Variants in SMARCD3 observed in about 807,000 individuals in gnomAD.
SMARCD3 encodes SWI/SNF related BAF chromatin remodeling complex subunit D3, also known as SWI/SNF-related matrix-associated actin-dependent regulator of chromatin subfamily D member 3.
SMARCD3 carries 14 observed loss-of-function variants against 58.0 expected under a neutral mutation model. That is an observed-to-expected ratio of 0.24 (90% CI 0.16 to 0.38). The LOEUF (loss-of-function observed/expected upper bound fraction) is 0.38. Among genes scored for constraint, SMARCD3 ranks in the 10% least tolerant of loss-of-function variants. SMARCD3 has a pLI of 1.00. For synonymous variants in SMARCD3, 253 were observed against 253.8 expected (o/e 1.00, Z 0.03); for missense variants, 408 against 636.9 (o/e 0.64, Z 3.87).
chr7:151,275,316 G>T (rs547472151), intron 1 of SMARCD3: 172 of 662,110 alleles, frequency 2.6e-4, no homozygotes, highest in Admixed American at 8.5e-4. Context: ...AAGCTGCGAA[G>T]AAGCCAAACT....
upstream of SMARCD3, among the ~76,000 whole-genome samples, chr7:151,251,775 C>A (rs1178412861): frequency 6.6e-6 from 1 of 151,812 alleles, no homozygotes; most frequent in Non-Finnish European, 1.5e-5. Context: ...CTCCTTCCCT[C>A]GCTGAAGCAC....
intron 2 of SMARCD3, among the ~76,000 whole-genome samples, chr7:151,274,457 C>T (rs569552927): frequency 6.6e-6 from 1 of 152,356 alleles, no homozygotes; most frequent in South Asian, 2.1e-4. Context: ...GAAGGCCCTA[C>T]AAGCAAGCAA....
At chr7:151,249,912 C>T (rs546514308), upstream of SMARCD3, among the ~76,000 whole-genome samples, 241 of 138,512 alleles carry the variant, frequency 1.7e-3, 1 homozygote, top group African/African-American at 6.3e-3. This position sits in a 1 kb window ranked among gnomAD's most constrained non-coding sequence, Gnocchi z 4.8. Flanking sequence ...CCAAAGGCCA[C>T]GCCCCTTTTT....
Position 151,239,664 on chromosome 7 carries a change from T to C in SMARCD3, c.1256A>G (p.Tyr419Cys), listed in dbSNP as rs1802855371. ...CTGGGAGCGGAGCAGGTCTTGGACA[T>C]AGCCTTTGGGGTCTCTGGAGAAGCT... Reference protein sequence around the residue: ...MLSFSRDPKGYVQDLLRSQSR... With the variant: ...MLSFSRDPKGCVQDLLRSQSR... Residue 419 changes from tyrosine (Y) to cysteine (C), a missense_variant, in exon 11 of 13, where the codon TAT becomes TGT. Around this residue, in one of 4 missense-constraint regions of SMARCD3, gnomAD observed 81 missense variants for 109.7 expected, o/e 0.74. Coordinates refer to ENST00000262188, the MANE Select transcript of SMARCD3 (RefSeq NM_001003801.2). This position sits in a 1 kb window ranked among gnomAD's most constrained non-coding sequence, Gnocchi z 7.0. 1.2e-6 allele frequency: 2 copies of C among 1,613,972 alleles called. No homozygotes were observed. Among genetic ancestry groups the C allele is most frequent in the Admixed American group, 1.7e-5 (1 of 59,994 alleles).
chr7:151,275,028 G>T, intron 2 of SMARCD3: 1 of 1,086,510 alleles, frequency 9.2e-7, no homozygotes, highest in Non-Finnish European at 1.4e-6. Flanking sequence ...GGGGCCATGT[G>T]GTGGGAGCAG....
At chr7:151,257,204 T>A (rs554393545) in intron 2 of SMARCD3, among the ~76,000 whole-genome samples, 1 of 151,150 alleles carries the variant, frequency 6.6e-6, no homozygotes, top group African/African-American at 2.4e-5. Context: ...TGAAACAATC[T>A]CTCTTAACCC....
chr7:151,240,091 A>G (rs1332716179), intron 10 of SMARCD3, 21 bp downstream of exon 10: 1 of 1,612,386 alleles, frequency 6.2e-7, no homozygotes, highest in Admixed American at 1.7e-5. Context: ...GTCCCACTCC[A>G]GCTCTGGGCT....
At position 151,242,522 on chromosome 7, in the gene SMARCD3, C is replaced by T. The variant is rs755881486; in HGVS notation, c.538G>A (p.Ala180Thr). ...PDAEDSDGSI[A>T]SWELRVEGKL... ...CCCTCCACCCGTAGCTCCCAGGAGG[C>T]AATGCTGCCGTCGGAATCCTCAGCA... Residue 180 changes from alanine to threonine, a missense_variant, in exon 5 of 13, where the codon GCC (alanine) becomes ACC (threonine). Transcript: ENST00000262188. The surrounding 1 kb of genome is among the most constrained non-coding windows in gnomAD (Gnocchi z 4.7). The T allele has an allele frequency of 6.2e-7, 1 of 1,614,098 alleles. No homozygotes were observed. Among genetic ancestry groups the T allele is most frequent in the Admixed American group, 1.7e-5 (1 of 60,022 alleles).
chr7:151,240,657 A>C, intron 8 of SMARCD3, 135 bp from the exon 9 acceptor site: 1 of 448,292 alleles, frequency 2.2e-6, no homozygotes, highest in Non-Finnish European at 4.0e-6. Context: ...TGGGGATGGG[A>C]TTGGGGTGGG....
chr7:151,249,834 A>T (rs1489206880), upstream of SMARCD3, among the ~76,000 whole-genome samples: 1 of 151,630 alleles, frequency 6.6e-6, no homozygotes, highest in Admixed American at 6.6e-5. This position sits in a 1 kb window ranked among gnomAD's most constrained non-coding sequence, Gnocchi z 4.8. Context: ...GGAGTGGAGG[A>T]GGGACCGGAA....
intron 2 of SMARCD3, among the ~76,000 whole-genome samples, chr7:151,271,457 T>C (rs572839170): frequency 1.3e-5 from 2 of 152,174 alleles, no homozygotes; most frequent in Admixed American, 1.3e-4. Context: ...TTCCATGGGT[T>C]CAGGACCTGT....
chr7:151,276,438 G>C (rs1795344890), intron 1 of SMARCD3, among the ~76,000 whole-genome samples: 1 of 148,280 alleles, frequency 6.7e-6, no homozygotes, highest in African/African-American at 2.5e-5. Context: ...GGGGGAGGAG[G>C]GGAAGGTGCC....
intron 2 of SMARCD3, among the ~76,000 whole-genome samples, chr7:151,257,921 C>T (rs1478040533): frequency 6.6e-6 from 1 of 152,180 alleles, no homozygotes; most frequent in Admixed American, 6.5e-5. Flanking sequence ...TCCTTGGACG[C>T]ATCTATCCAA....
chr7:151,252,076 A>G (rs543521730), upstream of SMARCD3, among the ~76,000 whole-genome samples: 7 of 152,030 alleles, frequency 4.6e-5, no homozygotes, highest in South Asian at 1.5e-3. Context: ...GATGCGGGGA[A>G]GAGACTTAAC....
chr7:151,244,532 A>G (rs187609574), intron 2 of SMARCD3, among the ~76,000 whole-genome samples: 115 of 152,300 alleles, frequency 7.6e-4, no homozygotes, highest in African/African-American at 2.6e-3. Context: ...GCAGAAATCT[A>G]AGGCTAACAA....
chr7:151,251,775 C>G (rs1178412861), upstream of SMARCD3, among the ~76,000 whole-genome samples: 2 of 151,812 alleles, frequency 1.3e-5, no homozygotes, highest in Non-Finnish European at 2.9e-5. Flanking sequence ...CTCCTTCCCT[C>G]GCTGAAGCAC....
chr7:151,239,800 A>C lies in SMARCD3; in HGVS notation c.1174-54T>G. 1 of 1,314,664 alleles carries C rather than the reference A, an allele frequency of 7.6e-7. No individual in the cohort carries two copies. Among genetic ancestry groups the C allele is most frequent in the Non-Finnish European group, 1.1e-6 (1 of 938,718 alleles). The allele number at this position is 1,314,664 out of a possible 1,614,324, so 81.4% of individuals were successfully genotyped here. A position where few individuals can be genotyped will look rare whatever the true frequency, so the allele number is the denominator to read the frequency against. ...CCTGGCTTTGGTGATGTGGGAGACG[A>C]GGGGAAAGGAAGCGGGTGGGAAGGG... On this transcript the variant is annotated intron_variant, in intron 10 of 12. Coordinates refer to ENST00000262188, the MANE Select transcript of SMARCD3 (RefSeq NM_001003801.2). This position sits in a 1 kb window ranked among gnomAD's most constrained non-coding sequence, Gnocchi z 7.0.
chr7:151,266,325 TTGTC>T (rs200394859), intron 2 of SMARCD3, among the ~76,000 whole-genome samples: 2,122 of 152,204 alleles, frequency 0.014, 53 homozygotes, highest in African/African-American at 0.048. Context: ...ACTTGTAAAG[TTGTC>T]TTTTTGTCTC....
At chr7:151,272,745 A>T (rs941766014) in intron 2 of SMARCD3, among the ~76,000 whole-genome samples, 1 of 152,114 alleles carries the variant, frequency 6.6e-6, no homozygotes, top group Non-Finnish European at 1.5e-5. Context: ...GTCACCAAGG[A>T]TTCCCACACC....
Sources: gnomAD v4.1 joint callset for allele counts (sites outside exome capture counted in the v4.1 genomes callset) on GRCh38, gnomAD v4.1.1 for gene constraint, gnomAD v4.1.1 regional missense constraint, Gnocchi (gnomAD v3.1) non-coding constraint, MANE v1.5 for transcripts, NCBI Gene and HGNC (gene_info 2026-07-23, HGNC 2026-07-21) for gene names.